The following ARMC5 variants were observed in gnomAD, a reference collection of about 807,000 sequenced individuals.
ARMC5 encodes the protein armadillo repeat-containing protein 5.
In ARMC5, 28 loss-of-function variants were observed where a neutral mutation model predicts 60.5. The observed-to-expected ratio is 0.46, with a 90% CI of 0.34 to 0.63. The LOEUF is 0.63. ARMC5 is among the 30% of genes least tolerant of loss of function. The probability of loss-of-function intolerance (pLI) is 0.01; values close to 1 mark genes in which losing one functional copy is unlikely to be tolerated. For missense variants in ARMC5, 1,189 were observed against 1,304.9 expected, an observed-to-expected ratio of 0.91 and a Z score of 1.37; for synonymous variants, 680 against 607.3, an observed-to-expected ratio of 1.12 and a Z score of -1.76.
Position 31,464,712 on chromosome 16 carries a change from C to G in ARMC5, c.1689C>G (p.Ser563Arg). Residue 563 changes from serine to arginine, a missense_variant, in exon 4 of 6, where the codon AGC (serine) becomes AGG (arginine). By Grantham distance (110) the Ser-to-Arg change is moderately radical. Transcript: ENST00000268314. This position sits in a 1 kb window ranked among gnomAD's most constrained non-coding sequence, Gnocchi z 7.6. Reference protein sequence around the residue: ...TYVTGAPGPPSPRALRILSRL... With the variant: ...TYVTGAPGPPRPRALRILSRL... ...TGACCGGCGCACCGGGCCCGCCCAG[C>G]CCACGTGCACTGCGCATTCTGTCAC... is the stretch of plus-strand genomic sequence containing the variant. The G allele has an allele frequency of 6.3e-7, 1 of 1,598,898 alleles. No individual in the cohort carries two copies. The highest frequency in any genetic ancestry group is 8.5e-7 in the Non-Finnish European group (1 of 1,179,268).
At position 31,464,739 on chromosome 16, in the gene ARMC5, C is replaced by G; in HGVS notation, c.1716C>G (p.Arg572=). 1 of 1,599,262 alleles carries G rather than the reference C, an allele frequency of 6.3e-7. No individual in the cohort carries two copies. Among genetic ancestry groups the G allele is most frequent in the Non-Finnish European group, 8.5e-7 (1 of 1,179,386 alleles). The stretch of plus-strand genomic sequence containing the variant: ...CACGTGCACTGCGCATTCTGTCACG[C>G]CTCACCTGCAACCCTGCCTGCCTCG... The part of the protein sequence containing the change: ...PSPRALRILS[R]LTCNPACLEA... Residue 572 remains arginine (R), a synonymous_variant, in exon 4 of 6, where the codon CGC becomes CGG. Transcript: ENST00000268314. This position sits in a 1 kb window ranked among gnomAD's most constrained non-coding sequence, Gnocchi z 7.6.
Position 31,466,356 on chromosome 16 carries a change from C to G in ARMC5, c.2275C>G (p.Gln759Glu). The change falls in exon 6 of 6, where the codon CAG becomes GAG. Residue 759 changes from glutamine (Q) to glutamate (E), a missense_variant. Gln to Glu is a conservative substitution (Grantham distance 29). Around this residue, in one of 2 missense-constraint regions of ARMC5, gnomAD observed 862 missense variants for 1,071.2 expected, o/e 0.80. Coordinates refer to ENST00000268314, the MANE Select transcript of ARMC5 (RefSeq NM_001105247.2). This position sits in a 1 kb window ranked among gnomAD's most constrained non-coding sequence, Gnocchi z 8.0. ...GCACTTCCTGCTGGACTCAGGCCTC[C>G]AGCTCCCTGCCCAGCGAGCGGCCTC... ...DLHFLLDSGL[Q>E]LPAQRAASAT... is the part of the protein sequence containing the mutation. 3 of 1,613,460 alleles carry G rather than the reference C, an allele frequency of 1.9e-6. No individual in the cohort carries two copies. The highest frequency in any genetic ancestry group is 2.5e-6 in the Non-Finnish European group (3 of 1,179,880).
rs369721476 is a variant in ARMC5, at chr16:31,462,346, C to T, written c.799C>T (p.Arg267Ter). The T allele has an allele frequency of 9.3e-6, 15 of 1,610,430 alleles. No homozygotes were observed. Among genetic ancestry groups the T allele is most frequent in the African/African-American group, 4.0e-5 (3 of 74,900 alleles). Residue 267 changes from arginine to a stop codon, truncating the protein, a stop_gained, in exon 3 of 6, where the codon CGA becomes TGA. Transcript: ENST00000268314. LOFTEE classifies it high-confidence loss of function. This position sits in a 1 kb window ranked among gnomAD's most constrained non-coding sequence, Gnocchi z 7.2. Reference protein sequence around the residue: ...ALVRALLELSRGCSRACAEQL... With the variant: ...ALVRALLELS ...CGTCCGTGCCCTCCTGGAACTCAGC[C>T]GAGGCTGCTCCCGGGCCTGTGCTGA...
At chr16:31,459,303 T>C (rs1404805193), upstream of ARMC5, 7 of 1,534,780 alleles carry the variant, frequency 4.6e-6, no homozygotes, top group East Asian at 1.7e-4. Context: ...ATCTCCCTCA[T>C]GCACCGCCCG....
At chr16:31,460,053 C>T (rs755715617) in intron 1 of ARMC5, 54 bp downstream of exon 1, 7 of 1,571,752 alleles carry the variant, frequency 4.5e-6, no homozygotes, top group East Asian at 4.5e-5. Context: ...CTCCCTTGCT[C>T]TCTAGACCCG....
upstream of ARMC5, chr16:31,459,360 G>A (rs1218228691): frequency 6.5e-7 from 1 of 1,536,192 alleles, no homozygotes; most frequent in Non-Finnish European, 8.7e-7. Flanking sequence ...CGCCTCGTGT[G>A]CAAGGACAGA....
chr16:31,458,435 T>C, upstream of ARMC5: 1 of 1,535,704 alleles, frequency 6.5e-7, no homozygotes, highest in Non-Finnish European at 8.7e-7. Flanking sequence ...TTTTCACCGG[T>C]GTGTACCCAG....
chr16:31,466,160 A>G lies in ARMC5; in HGVS notation c.2079A>G (p.Pro693=). The part of the protein sequence containing the change: ...LLLAALTRPA[P]HPLFLFFAAD... ...TTGCGGCGCTGACCCGGCCGGCCCC[A>G]CACCCGCTCTTCCTCTTCTTTGCCG... The change falls in exon 6 of 6, where the codon CCA becomes CCG. Residue 693 remains proline, a synonymous_variant. Transcript: ENST00000268314. The surrounding 1 kb of genome is among the most constrained non-coding windows in gnomAD (Gnocchi z 8.0). 1 of 1,608,320 alleles carries G rather than the reference A, an allele frequency of 6.2e-7. No homozygotes were observed. Among genetic ancestry groups the G allele is most frequent in the Non-Finnish European group, 8.5e-7 (1 of 1,179,558 alleles).
chr16:31,459,485 A>C (rs777348607), upstream of ARMC5: 6 of 1,575,672 alleles, frequency 3.8e-6, no homozygotes, highest in Non-Finnish European at 5.2e-6. Context: ...CCCTGGGATC[A>C]GCGGCGAGAA....
At position 31,460,001 on chromosome 16, in the gene ARMC5, T is replaced by A; in HGVS notation, c.475+2T>A. The A allele has an allele frequency of 6.3e-7, 1 of 1,594,334 alleles. No individual in the cohort carries two copies. The highest frequency in any genetic ancestry group is 8.5e-7 in the Non-Finnish European group (1 of 1,177,490). On this transcript the variant is annotated splice_donor_variant, in intron 1 of 5. Transcript: ENST00000268314. LOFTEE classifies it high-confidence loss of function. ...GACTCGGAGGCATACTCCCTTTGGGTAAGTGCTCCGCCCCCGTTTCCTAGA... is the reference window on the plus strand; with the variant it reads ...GACTCGGAGGCATACTCCCTTTGGGAAAGTGCTCCGCCCCCGTTTCCTAGA...
rs1352676922 is a variant in ARMC5 at position 31,459,935 on chromosome 16, C to G, written c.411C>G (p.Ala137=). ...TGGACTTGGCGCTCAGCATCCTAGC[C>G]GATTGCTGTACGGAAGGGGCGTGCC... ...KTLDLALSIL[A]DCCTEGACRT... is the part of the protein sequence containing the mutation. Residue 137 remains alanine, a synonymous_variant, in exon 1 of 6, where the codon GCC becomes GCG. Coordinates refer to ENST00000268314, the MANE Select transcript of ARMC5 (RefSeq NM_001105247.2). 4.4e-6 allele frequency: 7 copies of G among 1,605,008 alleles called. No individual in the cohort carries two copies. The highest frequency in any genetic ancestry group is 1.1e-5 in the South Asian group (1 of 90,948).
At position 31,464,320 on chromosome 16, in the gene ARMC5, G is replaced by A. The variant is rs1190660067; in HGVS notation, c.1371-74G>A. 4.8e-5 allele frequency: 23 copies of A among 475,300 alleles called. No homozygotes were observed. The highest frequency in any genetic ancestry group is 7.1e-5 in the Non-Finnish European group (21 of 295,860). The allele number at this position is 475,300 out of a possible 1,614,324, so 29.4% of individuals were successfully genotyped here. ...AAAAAAAAAAAAAAAAAAAAAAGAC[G>A]CCTCACGCCTCTTGGACTCTGCCCC... On this transcript the variant is annotated intron_variant, in intron 3 of 5. Coordinates refer to ENST00000268314, the MANE Select transcript of ARMC5 (RefSeq NM_001105247.2). The surrounding 1 kb of genome is among the most constrained non-coding windows in gnomAD (Gnocchi z 7.6).
upstream of ARMC5, chr16:31,458,881 T>G: frequency 1.3e-6 from 2 of 1,535,588 alleles, no homozygotes; most frequent in Non-Finnish European, 8.7e-7. Context: ...CACGAGCACG[T>G]CCAGAGCGGA....
chr16:31,464,535 A>G lies in ARMC5; in HGVS notation c.1512A>G (p.Gln504=). The G allele has an allele frequency of 6.3e-7, 1 of 1,595,612 alleles. No homozygotes were observed. The highest frequency in any genetic ancestry group is 8.5e-7 in the Non-Finnish European group (1 of 1,172,274). ...CCTCGCTGCGGGCACCACGCACCCA[A>G]CGCACTCCGGGCCGCAGCCCCGCCG... ...TPTSLRAPRT[Q]RTPGRSPAAA... Residue 504 remains glutamine, a synonymous_variant, in exon 4 of 6, where the codon CAA becomes CAG. Transcript: ENST00000268314. The surrounding 1 kb of genome is among the most constrained non-coding windows in gnomAD (Gnocchi z 7.6).
Position 31,462,134 on chromosome 16 carries a change from C to G in ARMC5, c.587C>G (p.Ala196Gly). 1.2e-6 allele frequency: 2 copies of G among 1,611,852 alleles called. No individual in the cohort carries two copies. The highest frequency in any genetic ancestry group is 1.7e-6 in the Non-Finnish European group (2 of 1,178,750). Residue 196 changes from alanine (A) to glycine (G), a missense_variant, in exon 3 of 6, where the codon GCT becomes GGT. Coordinates refer to ENST00000268314, the MANE Select transcript of ARMC5 (RefSeq NM_001105247.2). The surrounding 1 kb of genome is among the most constrained non-coding windows in gnomAD (Gnocchi z 7.2). ...ESCGDIHCAG[A>G]VPLLVESLTA... ...TGCTCCCCTTTCCTGCCCTCAGGTG[C>G]TGTTCCCCTGCTTGTGGAGAGCCTG... is the stretch of plus-strand genomic sequence containing the variant.
chr16:31,460,950 A>T (rs2082299008), intron 1 of ARMC5, among the ~76,000 whole-genome samples: 1 of 152,218 alleles, frequency 6.6e-6, no homozygotes, highest in South Asian at 2.1e-4. Context: ...TGACATCTTA[A>T]CTTTTCGGAT....
chr16:31,464,555 C>T lies in ARMC5; in HGVS notation c.1532C>T (p.Pro511Leu), dbSNP rs1460855536. ...PRTQRTPGRS[P>L]AAAIEEPWGR... ...ACCCAACGCACTCCGGGCCGCAGCC[C>T]CGCCGCCGCCATCGAGGAGCCTTGG... Residue 511 changes from proline (P) to leucine (L), a missense_variant, in exon 4 of 6, where the codon CCC (proline) becomes CTC (leucine). This residue lies in a region of ARMC5 where 862 missense variants were observed against 1,071.2 expected (regional missense o/e 0.80). Coordinates refer to ENST00000268314, the MANE Select transcript of ARMC5 (RefSeq NM_001105247.2). The surrounding 1 kb of genome is among the most constrained non-coding windows in gnomAD (Gnocchi z 7.6). 6.3e-7 allele frequency: 1 copy of T among 1,584,008 alleles called. No homozygotes were observed. Among genetic ancestry groups the T allele is most frequent in the East Asian group, 2.3e-5 (1 of 43,464 alleles).
At chr16:31,460,209 C>T (rs1027454613) in intron 1 of ARMC5, 1 of 545,018 alleles carries the variant, frequency 1.8e-6, no homozygotes. Flanking sequence ...ATAATTGTAG[C>T]CATTATCTAG....
At position 31,466,729 on chromosome 16, in the gene ARMC5, A is replaced by C; in HGVS notation, c.2648A>C (p.His883Pro). ...CTGGGCCGGCCCCGGCTGGCTGCCC[A>C]CTGTGCCCGCTGGACACTGGGGTCA... is the stretch of plus-strand genomic sequence containing the variant. The part of the protein sequence containing the change: ...FRLGRPRLAA[H>P]CARWTLGSEQ... The change falls in exon 6 of 6, where the codon CAC becomes CCC. Residue 883 changes from histidine to proline, a missense_variant. Around this residue, in one of 2 missense-constraint regions of ARMC5, gnomAD observed 862 missense variants for 1,071.2 expected, o/e 0.80. Transcript: ENST00000268314. This position sits in a 1 kb window ranked among gnomAD's most constrained non-coding sequence, Gnocchi z 8.0. The C allele has an allele frequency of 6.4e-7, 1 of 1,561,420 alleles. No individual in the cohort carries two copies. Among genetic ancestry groups the C allele is most frequent in the Non-Finnish European group, 8.7e-7 (1 of 1,153,972 alleles).
Sources: allele counts gnomAD v4.1 joint callset (sites outside exome capture counted in the v4.1 genomes callset), GRCh38; gene constraint gnomAD v4.1.1; regional missense constraint gnomAD v4.1.1; non-coding constraint Gnocchi (gnomAD v3.1); transcripts MANE v1.5; gene names NCBI Gene and HGNC (gene_info 2026-07-23, HGNC 2026-07-21).